SAMSN1: variants seen among roughly 807,000 people sequenced by gnomAD.
SAMSN1 encodes SAM domain, SH3 domain and nuclear localization signals 1, also known as SAM domain-containing protein SAMSN-1.
A neutral mutation model predicts 42.0 loss-of-function variants in SAMSN1; 31 were observed. That is an observed-to-expected ratio of 0.74 (90% CI 0.55 to 1.00). The LOEUF is 1.00. Ranked by LOEUF, SAMSN1 falls within the 50% of genes least tolerant of loss-of-function variation. SAMSN1 has a pLI of 0.00. For synonymous variants in SAMSN1, 178 were observed against 151.9 expected (o/e 1.17, Z -1.26); for missense variants, 464 against 439.4 (o/e 1.06, Z -0.50).
chr21:14,549,388 G>A (rs530776957), upstream of SAMSN1, among the ~76,000 whole-genome samples: 1 of 152,128 alleles, frequency 6.6e-6, no homozygotes, highest in African/African-American at 2.4e-5. Context: ...ATGGATGAAG[G>A]GTTTTAAAAT....
chr21:14,641,739 G>T (rs1019958472), intron 2 of SAMSN1, among the ~76,000 whole-genome samples: 2 of 152,076 alleles, frequency 1.3e-5, no homozygotes, highest in African/African-American at 4.8e-5. Flanking sequence ...GTAGACATAG[G>T]CTGGTTTATA....
chr21:14,546,671 A>T (rs949562905), upstream of SAMSN1, among the ~76,000 whole-genome samples: 150 of 37,112 alleles, frequency 4.0e-3, no homozygotes, highest in East Asian at 0.28. Flanking sequence ...CTATTATTTA[A>T]AAAAAAAAAA....
intron 2 of SAMSN1, among the ~76,000 whole-genome samples, chr21:14,633,471 G>A (rs185455052): frequency 6.8e-4 from 103 of 152,298 alleles, no homozygotes; most frequent in Non-Finnish European, 1.3e-3. Flanking sequence ...CTGGGTTCTG[G>A]ATTGGGTAAT....
chr21:14,513,635 G>C (rs1987784753), intron 3 of SAMSN1, among the ~76,000 whole-genome samples: 1 of 152,120 alleles, frequency 6.6e-6, no homozygotes. Context: ...GAGAGAATTT[G>C]TTGCTGAGGT....
At chr21:14,623,028 T>C (rs1440495242) in intron 2 of SAMSN1, among the ~76,000 whole-genome samples, 1 of 152,154 alleles carries the variant, frequency 6.6e-6, no homozygotes, top group Non-Finnish European at 1.5e-5. Flanking sequence ...CCAAGCTTTA[T>C]AAGTGAAGGA....
Position 14,497,393 on chromosome 21 carries a change from G to A in SAMSN1, c.919+1049C>T, listed in dbSNP as rs9980701. Among the ~76,000 whole-genome samples the A allele has an allele frequency of 6.1e-3, 931 of 152,234 alleles. 5 individuals are homozygous for A. Among genetic ancestry groups the A allele is most frequent in the African/African-American group, 0.022 (896 of 41,514 alleles). ...GCGGATCACTTAAGATCAGGAGTTC[G>A]AGACCAGGCTGGCCAATATGGTGAA... On this transcript the variant is annotated intron_variant, in intron 7 of 7. Coordinates refer to ENST00000400566, the MANE Select transcript of SAMSN1 (RefSeq NM_022136.5).
intron 1 of SAMSN1, among the ~76,000 whole-genome samples, chr21:14,648,849 G>A (rs1015933031): frequency 1.3e-5 from 2 of 152,014 alleles, no homozygotes; most frequent in African/African-American, 4.8e-5. Flanking sequence ...AACCATTGTG[G>A]AAGTCAGTGT....
chr21:14,509,330 C>A (rs1336615940), intron 5 of SAMSN1, among the ~76,000 whole-genome samples: 1 of 152,226 alleles, frequency 6.6e-6, no homozygotes, highest in East Asian at 1.9e-4. Flanking sequence ...TATGTTCTCA[C>A]TCATAAGCAA....
intron 3 of SAMSN1, among the ~76,000 whole-genome samples, chr21:14,516,409 T>G (rs1418742867): frequency 6.6e-6 from 1 of 152,228 alleles, no homozygotes; most frequent in Admixed American, 6.5e-5. Context: ...GTTTTGTTTT[T>G]TGAGACGCCA....
Position 14,598,549 on chromosome 21 carries a change from A to G in SAMSN1, c.399+3474T>C, listed in dbSNP as rs187420655. ...TCTTCCACAAGCCTGGTTCTCCAGGAAGTTTATCCCGGGCTAACTATGCAG... is the reference window on the plus strand; with the variant it reads ...TCTTCCACAAGCCTGGTTCTCCAGGGAGTTTATCCCGGGCTAACTATGCAG... On this transcript the variant is annotated intron_variant, in intron 6 of 15. Transcript: ENST00000647101. Among the ~76,000 whole-genome samples the G allele has an allele frequency of 2.0e-3, 306 of 152,266 alleles. 2 individuals are homozygous for G. Among genetic ancestry groups the G allele is most frequent in the African/African-American group, 6.9e-3 (286 of 41,552 alleles).
At chr21:14,640,935 T>C (rs1983580010) in intron 2 of SAMSN1, among the ~76,000 whole-genome samples, 1 of 152,166 alleles carries the variant, frequency 6.6e-6, no homozygotes, top group Admixed American at 6.5e-5. Flanking sequence ...TCTTTTGCAA[T>C]ATAAATGAAG....
chr21:14,609,901 C>T (rs1600961712), intron 4 of SAMSN1, among the ~76,000 whole-genome samples: 1 of 152,294 alleles, frequency 6.6e-6, no homozygotes, highest in East Asian at 1.9e-4. Flanking sequence ...ATCACTTCCC[C>T]AATCAATATT....
In SAMSN1 at chr21:14,510,387, C is replaced by T. The variant is rs374292508; in HGVS notation, c.484G>A (p.Gly162Arg). 63 of 1,614,176 alleles carry T rather than the reference C, an allele frequency of 3.9e-5. No homozygotes were observed. The African/African-American group carries it at 8.1e-4, about 21-fold the overall frequency. ...FRLDDDGPYS[G>R]PFCGRARVHT... ...ACTCTGGCACGGCCACAGAATGGTCCTGAATAGGGGCCATCGTCATCCAGT... is the reference window on the plus strand; with the variant it reads ...ACTCTGGCACGGCCACAGAATGGTCTTGAATAGGGGCCATCGTCATCCAGT... Residue 162 changes from glycine to arginine, a missense_variant, in exon 5 of 8, where the codon GGA (glycine) becomes AGA (arginine). Gly to Arg is a moderately radical substitution (Grantham distance 125, BLOSUM62 -2). Coordinates refer to ENST00000400566, the MANE Select transcript of SAMSN1 (RefSeq NM_022136.5).
At chr21:14,622,560 G>C (rs561861303) in intron 2 of SAMSN1, among the ~76,000 whole-genome samples, 30 of 152,294 alleles carry the variant, frequency 2.0e-4, no homozygotes, top group African/African-American at 7.0e-4. Context: ...AATGAGAAGA[G>C]AAGTTTAGAC....
chr21:14,546,426 A>T, upstream of SAMSN1: 3 of 1,173,142 alleles, frequency 2.6e-6, no homozygotes, highest in Non-Finnish European at 3.4e-6. Context: ...TACATGGGTA[A>T]TTTTTTTTTC....
At chr21:14,635,031 G>A (rs573002822) in intron 2 of SAMSN1, among the ~76,000 whole-genome samples, 22 of 152,172 alleles carry the variant, frequency 1.4e-4, no homozygotes, top group Non-Finnish European at 2.5e-4. Flanking sequence ...GTCCTTTGCA[G>A]GGACATGGGT....
intron 1 of SAMSN1, among the ~76,000 whole-genome samples, chr21:14,537,469 T>C (rs1979702933): frequency 6.6e-6 from 1 of 152,246 alleles, no homozygotes; most frequent in Non-Finnish European, 1.5e-5. Flanking sequence ...GCAAATATGG[T>C]ATCTTTTGTT....
chr21:14,493,187 G>C (rs1320216680), intron 7 of SAMSN1, among the ~76,000 whole-genome samples: 1 of 152,172 alleles, frequency 6.6e-6, no homozygotes, highest in African/African-American at 2.4e-5. Context: ...ACCACAGCTG[G>C]TATCAACATT....
chr21:14,630,147 C>T (rs1331252614), intron 2 of SAMSN1, among the ~76,000 whole-genome samples: 4 of 152,154 alleles, frequency 2.6e-5, no homozygotes, highest in Admixed American at 2.0e-4. Flanking sequence ...ACTGGTACCC[C>T]AGAACCTGGC....
Sources: gnomAD v4.1 joint callset for allele counts (sites outside exome capture counted in the v4.1 genomes callset) on GRCh38, gnomAD v4.1.1 for gene constraint, MANE v1.5 for transcripts, NCBI Gene and HGNC (gene_info 2026-07-23, HGNC 2026-07-21) for gene names.